Variants in FGF13 observed in about 807,000 individuals in gnomAD.
FGF13 encodes the protein fibroblast growth factor 13, also known as fibroblast growth factor homologous factor 2.
In FGF13, 2 loss-of-function variants were observed where a neutral mutation model predicts 19.5. The observed-to-expected ratio is 0.10, with a 90% CI of 0.04 to 0.32. The LOEUF (loss-of-function observed/expected upper bound fraction) is 0.32. Ranked by LOEUF, FGF13 falls within the 10% of genes least tolerant of loss-of-function variation. The probability of loss-of-function intolerance (pLI) is 1.00; values close to 1 mark genes in which losing one functional copy is unlikely to be tolerated. For synonymous variants in FGF13, 72 were observed against 76.9 expected, an observed-to-expected ratio of 0.94 and a Z score of 0.33; for missense variants, 113 against 192.7, an observed-to-expected ratio of 0.59 and a Z score of 2.45.
chrX:138,746,594 G>C (rs896849295), intron 3 of FGF13, among the ~76,000 whole-genome samples: 2 of 111,590 alleles, frequency 1.8e-5, no homozygotes, highest in African/African-American at 6.5e-5. Context: ...ACAGAGAAAA[G>C]TAGTGAAAAG....
At chrX:139,197,025 C>G (rs1411184783) in intron 1 of FGF13, among the ~76,000 whole-genome samples, 1 of 112,028 alleles carries the variant, frequency 8.9e-6, no homozygotes, top group Admixed American at 9.4e-5. Context: ...GTAAATATCC[C>G]TAGGTATTTG....
upstream of FGF13, among the ~76,000 whole-genome samples, chrX:138,743,138 A>G (rs1481095935): frequency 4.5e-5 from 5 of 112,207 alleles, no homozygotes; most frequent in African/African-American, 1.3e-4. Flanking sequence ...CTTAGAAGCA[A>G]CCAAGATGTC....
chrX:138,618,969 A>G lies in FGF13; in HGVS notation c.*13881T>C, dbSNP rs1432990295. The G allele has an allele frequency of 1.8e-5, 2 of 111,067 alleles. No homozygotes were observed. Among genetic ancestry groups the G allele is most frequent in the African/African-American group, 6.6e-5 (2 of 30,426 alleles). 9.2% of individuals were successfully genotyped at this position (111,067 alleles called of 1,213,427 possible). ...GAAGCCAGTCAGTATAGGCTGAAGG[A>G]GGAGACTACTTCTTCAAATGTGAAC... is the stretch of plus-strand genomic sequence containing the variant. On this transcript the variant is annotated 3_prime_UTR_variant, in exon 5 of 5. Transcript: ENST00000315930.
chrX:139,006,294 A>G lies in FGF13; in HGVS notation c.-112-141644T>C, dbSNP rs965755113. Among the ~76,000 whole-genome samples, 6 of 111,843 alleles carry G rather than the reference A, an allele frequency of 5.4e-5. No homozygotes were observed. In the Admixed American group the frequency reaches 5.7e-4, roughly 11 times the overall value. On this transcript the variant is annotated intron_variant, in intron 1 of 2. Coordinates refer to the FGF13 transcript ENST00000421460. ...AGGCATAGCATATTTGAAGTGCTGAAGAAAACAAACCTTTACCCCAGAGTA... is the reference window on the plus strand; with the variant it reads ...AGGCATAGCATATTTGAAGTGCTGAGGAAAACAAACCTTTACCCCAGAGTA...
rs768062122 is a variant in FGF13 at position 138,635,334 on chromosome X, T to C, written c.601+123A>G. ...GATGAGTGCACCAAAATTTCAGAAA[T>C]CACCACTAAATAGCTTGTCTATGTA... On this transcript the variant is annotated intron_variant, in intron 4 of 4. Coordinates refer to ENST00000315930, the MANE Select transcript of FGF13 (RefSeq NM_004114.5). 4.0e-4 allele frequency: 258 copies of C among 647,342 alleles called. 1 individual carries two copies. In the South Asian group the frequency reaches 7.6e-3, roughly 19 times the overall value. 53.3% of individuals were successfully genotyped at this position (647,342 alleles called of 1,213,427 possible).
At chrX:138,854,403 T>C (rs2091244764), downstream of FGF13, among the ~76,000 whole-genome samples, 1 of 111,408 alleles carries the variant, frequency 9.0e-6, no homozygotes, top group Non-Finnish European at 1.9e-5. Context: ...GTGTATTATT[T>C]TATATGGATT....
intron 3 of FGF13, among the ~76,000 whole-genome samples, chrX:138,761,380 C>T (rs1028326104): frequency 9.0e-6 from 1 of 111,252 alleles, no homozygotes; most frequent in Non-Finnish European, 1.9e-5. Context: ...AGTAGTACTG[C>T]TCTCCCGGAG....
At chrX:138,867,766 C>T (rs1024900459) in intron 1 of FGF13, among the ~76,000 whole-genome samples, 4 of 107,536 alleles carry the variant, frequency 3.7e-5, no homozygotes, top group Non-Finnish European at 5.8e-5. Flanking sequence ...ACAGCCAAAC[C>T]GTATCACTGT....
At chrX:139,028,178 TA>T (rs1569443842) in intron 1 of FGF13, among the ~76,000 whole-genome samples, 1 of 111,823 alleles carries the variant, frequency 8.9e-6, no homozygotes, top group Non-Finnish European at 1.9e-5. Context: ...AGCATTGCAC[TA>T]AAAAGATTTC....
chrX:139,061,761 TA>T (rs1430464804), intron 1 of FGF13, among the ~76,000 whole-genome samples: 1 of 111,148 alleles, frequency 9.0e-6, no homozygotes, highest in African/African-American at 3.3e-5. Flanking sequence ...ATAGCCACAG[TA>T]AAGGGTATGA....
chrX:138,742,445 C>T (rs1378783966), upstream of FGF13, among the ~76,000 whole-genome samples: 4 of 110,762 alleles, frequency 3.6e-5, no homozygotes, highest in South Asian at 1.2e-3. Flanking sequence ...CACCACATGG[C>T]GCTGTGTCAT....
At chrX:139,136,204 T>C (rs1033773477) in intron 1 of FGF13, among the ~76,000 whole-genome samples, 1 of 111,564 alleles carries the variant, frequency 9.0e-6, no homozygotes, top group Non-Finnish European at 1.9e-5. Context: ...TTTTTCAATA[T>C]ATTTTTTTAT....
chrX:138,777,696 A>G (rs1469864636), intron 3 of FGF13, among the ~76,000 whole-genome samples: 2 of 111,678 alleles, frequency 1.8e-5, no homozygotes, highest in African/African-American at 6.5e-5. Context: ...CCAAAATAGC[A>G]CCGCGAAAGC....
chrX:138,954,758 T>C (rs945601973), intron 1 of FGF13, among the ~76,000 whole-genome samples: 2 of 111,854 alleles, frequency 1.8e-5, no homozygotes, highest in Non-Finnish European at 3.8e-5. Flanking sequence ...TATTCTGTAT[T>C]ACATGCCTTG....
chrX:138,830,057 GTTTAC>G (rs2091060717), intron 3 of FGF13, among the ~76,000 whole-genome samples: 1 of 112,230 alleles, frequency 8.9e-6, no homozygotes, highest in African/African-American at 3.2e-5. Context: ...GTCTGTAGTA[GTTTAC>G]TTTAACAACA....
In FGF13 at chrX:138,758,563, G is replaced by C. The variant is rs1425347071; in HGVS notation, c.218-49635C>G. Among the ~76,000 whole-genome samples the C allele has an allele frequency of 2.7e-5, 3 of 111,058 alleles. No individual in the cohort carries two copies. The South Asian group carries it at 1.1e-3, about 43-fold the overall frequency. ...TCAGTGACCACTAGCTAGTGGTTGA[G>C]ATGAGTCCAATCTGGCTCCTCTCAC... On this transcript the variant is annotated intron_variant, in intron 3 of 6. Transcript: ENST00000436198.
At chrX:139,110,871 G>A (rs928138514) in intron 1 of FGF13, among the ~76,000 whole-genome samples, 7 of 110,802 alleles carry the variant, frequency 6.3e-5, no homozygotes, top group East Asian at 2.9e-4. Flanking sequence ...TCAGCTATGC[G>A]TCCTGAAATC....
At chrX:139,084,058 A>G (rs889747298) in intron 1 of FGF13, among the ~76,000 whole-genome samples, 1 of 109,834 alleles carries the variant, frequency 9.1e-6, no homozygotes, top group Non-Finnish European at 1.9e-5. Context: ...TCTGAGCACT[A>G]CAGCCATGAT....
At chrX:138,845,322 C>G (rs1238011976) in intron 3 of FGF13, among the ~76,000 whole-genome samples, 1 of 111,443 alleles carries the variant, frequency 9.0e-6, no homozygotes, top group Non-Finnish European at 1.9e-5. Context: ...GCAAGACACT[C>G]AATAAACACC....
Sources: allele counts gnomAD v4.1 joint callset (sites outside exome capture counted in the v4.1 genomes callset), GRCh38; gene constraint gnomAD v4.1.1; transcripts MANE v1.5; gene names NCBI Gene and HGNC (gene_info 2026-07-23, HGNC 2026-07-21).